GPC3: variants seen among roughly 807,000 people sequenced by gnomAD.
GPC3 encodes the protein glypican-3.
GPC3 carries 3 observed loss-of-function variants against 34.4 expected under a neutral mutation model. The ratio of observed to expected loss-of-function variants is 0.09; its 90% CI spans 0.04 to 0.23. The LOEUF is 0.23. Ranked by LOEUF, GPC3 falls within the 10% of genes least tolerant of loss-of-function variation. GPC3 has a pLI of 1.00. For missense variants in GPC3, 351 were observed against 445.6 expected (o/e 0.79, Z 1.91); for synonymous variants, 177 against 174.0 (o/e 1.02, Z -0.13).
At chrX:133,955,478 C>A (rs2076412605) in intron 1 of GPC3, among the ~76,000 whole-genome samples, 1 of 111,348 alleles carries the variant, frequency 9.0e-6, no homozygotes, top group Non-Finnish European at 1.9e-5. Flanking sequence ...ATCCCTTGCA[C>A]ATCTATTCCA....
intron 2 of GPC3, among the ~76,000 whole-genome samples, chrX:133,910,428 G>C (rs1243107395): frequency 9.0e-6 from 1 of 111,093 alleles, no homozygotes; most frequent in East Asian, 2.8e-4. Context: ...AAAAAAGGCA[G>C]ACTTGAGTGC....
At chrX:133,618,420 A>T (rs1334655343) in intron 6 of GPC3, among the ~76,000 whole-genome samples, 1 of 112,052 alleles carries the variant, frequency 8.9e-6, no homozygotes, top group Non-Finnish European at 1.9e-5. Flanking sequence ...TAATGAAATA[A>T]ATTCAAAATG....
At chrX:133,622,189 C>A (rs1764222863) in intron 6 of GPC3, among the ~76,000 whole-genome samples, 1 of 111,877 alleles carries the variant, frequency 8.9e-6, no homozygotes, top group African/African-American at 3.2e-5. Flanking sequence ...GATAAAACCA[C>A]AAAGATGGGG....
chrX:133,537,488 G>C (rs2069304528), intron 7 of GPC3, among the ~76,000 whole-genome samples: 1 of 111,464 alleles, frequency 9.0e-6, no homozygotes, highest in Non-Finnish European at 1.9e-5. Context: ...TGGGGACTCA[G>C]CTGGTCCAGT....
intron 2 of GPC3, among the ~76,000 whole-genome samples, chrX:133,950,384 G>A (rs1198475188): frequency 1.8e-5 from 2 of 112,020 alleles, no homozygotes; most frequent in Admixed American, 9.5e-5. Context: ...AGGATTGCTC[G>A]TGGAACTGTG....
rs1415551731 is a variant in GPC3, at chrX:133,775,114, C to CT, written c.338-20939dup. ...TCTCTGTCTCAGTCTTGTTTTTTCT[C>CT]TTTTTTTTTGAAATTAAAAAAATAA... is the stretch of plus-strand genomic sequence containing the variant. On this transcript the variant is annotated intron_variant, in intron 2 of 7. Transcript: ENST00000370818. 8.3e-5 allele frequency among the ~76,000 whole-genome samples: 9 copies of CT among 108,980 alleles called. No individual in the cohort carries two copies. In the East Asian group the frequency reaches 1.1e-3, roughly 14 times the overall value. 94.6% of individuals were successfully genotyped at this position (108,980 alleles called of 115,157 possible).
In GPC3 at chrX:133,754,157, A is replaced by G; in HGVS notation, c.357T>C (p.Val119=). ...AVFQEAFEIV[V]RHAKNYTNAM... is the part of the protein sequence containing the mutation. ...CATTGGTGTAGTTCTTGGCATGGCGAACAACAATTTCAAAGGCCTCTGTAA... is the reference window on the plus strand; with the variant it reads ...CATTGGTGTAGTTCTTGGCATGGCGGACAACAATTTCAAAGGCCTCTGTAA... The change falls in exon 3 of 8, where the codon GTT becomes GTC. Residue 119 remains valine, a synonymous_variant. Coordinates refer to ENST00000370818, the MANE Select transcript of GPC3 (RefSeq NM_004484.4). The G allele has an allele frequency of 8.4e-7, 1 of 1,191,141 alleles. No individual in the cohort carries two copies. The highest frequency in any genetic ancestry group is 3.0e-5 in the East Asian group (1 of 33,730).
intron 2 of GPC3, among the ~76,000 whole-genome samples, chrX:133,828,327 T>C (rs1395536853): frequency 9.1e-6 from 1 of 110,365 alleles, no homozygotes; most frequent in Admixed American, 9.7e-5. Context: ...CAGCTAATTT[T>C]TGTATTTTTA....
intron 3 of GPC3, among the ~76,000 whole-genome samples, chrX:133,713,889 C>T (rs905136312): frequency 4.5e-5 from 5 of 111,631 alleles, no homozygotes; most frequent in South Asian, 3.7e-4. Flanking sequence ...TGAGTTTTGA[C>T]GTTATATAAT....
At chrX:133,779,676 T>C (rs1033332134) in intron 2 of GPC3, among the ~76,000 whole-genome samples, 1 of 111,771 alleles carries the variant, frequency 8.9e-6, no homozygotes, top group Non-Finnish European at 1.9e-5. Context: ...ATATAACACC[T>C]TGCTTAGCCA....
chrX:133,689,136 C>G (rs7064654), intron 5 of GPC3, among the ~76,000 whole-genome samples: 4,420 of 110,319 alleles, frequency 0.04, 220 homozygotes, highest in African/African-American at 0.14. Flanking sequence ...TCCTTCTTAC[C>G]TCCCTTCTTT....
intron 2 of GPC3, among the ~76,000 whole-genome samples, chrX:133,941,047 G>T (rs1338921375): frequency 8.9e-6 from 1 of 112,507 alleles, no homozygotes; most frequent in Non-Finnish European, 1.9e-5. Context: ...TTGCTAGAAA[G>T]AGTACTGTTT....
intron 2 of GPC3, among the ~76,000 whole-genome samples, chrX:133,923,430 C>A (rs746534412): frequency 9.0e-6 from 1 of 111,513 alleles, no homozygotes; most frequent in African/African-American, 3.3e-5. Flanking sequence ...AAAACATGTC[C>A]TCCCTAAATC....
intron 2 of GPC3, among the ~76,000 whole-genome samples, chrX:133,758,624 A>G (rs919173260): frequency 2.7e-5 from 3 of 110,873 alleles, no homozygotes; most frequent in African/African-American, 9.8e-5. Flanking sequence ...ATAGGTTGCT[A>G]AGCACAGTAA....
At chrX:133,800,054 C>T (rs1435709180) in intron 2 of GPC3, among the ~76,000 whole-genome samples, 4 of 111,915 alleles carry the variant, frequency 3.6e-5, no homozygotes, top group East Asian at 5.6e-4. Context: ...CAGAGATGAC[C>T]GATTAACCTT....
chrX:133,786,537 T>A (rs1005531851), intron 2 of GPC3, among the ~76,000 whole-genome samples: 18 of 112,536 alleles, frequency 1.6e-4, no homozygotes, highest in African/African-American at 5.8e-4. Context: ...GACGCTTTTG[T>A]GCAGATGAGG....
chrX:133,963,070 A>C (rs1227750267), intron 1 of GPC3, among the ~76,000 whole-genome samples: 1 of 112,281 alleles, frequency 8.9e-6, no homozygotes, highest in Non-Finnish European at 1.9e-5. Flanking sequence ...GACACAAAAG[A>C]AGCAAAGGAC....
At chrX:133,601,471 C>T (rs931003768) in intron 6 of GPC3, among the ~76,000 whole-genome samples, 12 of 111,900 alleles carry the variant, frequency 1.1e-4, no homozygotes, top group African/African-American at 3.2e-4. Flanking sequence ...AGAGAAATAA[C>T]GCCTGCCTCA....
chrX:133,585,884 C>G (rs760415813), intron 7 of GPC3, among the ~76,000 whole-genome samples: 9 of 112,407 alleles, frequency 8.0e-5, no homozygotes, highest in African/African-American at 2.9e-4. Flanking sequence ...CAACAGTTTC[C>G]TCTTAATTTG....
Sources: allele counts gnomAD v4.1 joint callset (sites outside exome capture counted in the v4.1 genomes callset), GRCh38; gene constraint gnomAD v4.1.1; transcripts MANE v1.5; gene names NCBI Gene and HGNC (gene_info 2026-07-23, HGNC 2026-07-21).